The following ATRN variants were observed in gnomAD, a reference collection of about 807,000 sequenced individuals.
The protein encoded by ATRN is attractin-2.
A neutral mutation model predicts 178.7 loss-of-function variants in ATRN; 54 were observed. The observed-to-expected ratio is 0.30, with a 90% CI of 0.24 to 0.38. The LOEUF (loss-of-function observed/expected upper bound fraction) is 0.38. Ranked by LOEUF, ATRN falls within the 10% of genes least tolerant of loss-of-function variation. ATRN has a pLI of 1.00. For synonymous variants in ATRN, 636 were observed against 663.0 expected (o/e 0.96, Z 0.63); for missense variants, 1,443 against 1,815.1 (o/e 0.79, Z 3.73).
chr20:3,607,263 C>G (rs2086688167), intron 24 of ATRN, among the ~76,000 whole-genome samples: 1 of 152,154 alleles, frequency 6.6e-6, no homozygotes, highest in South Asian at 2.1e-4. Context: ...TTCACATCTT[C>G]TAGCTATTTT....
intron 1 of ATRN, among the ~76,000 whole-genome samples, chr20:3,503,936 G>A (rs1456807295): frequency 6.6e-6 from 1 of 152,064 alleles, no homozygotes; most frequent in Non-Finnish European, 1.5e-5. Flanking sequence ...ACCTAAAGGC[G>A]AAGAGAAAGT....
At chr20:3,506,997 G>A (rs1377834131) in intron 1 of ATRN, among the ~76,000 whole-genome samples, 1 of 150,344 alleles carries the variant, frequency 6.7e-6, no homozygotes, top group African/African-American at 2.5e-5. Flanking sequence ...AGAGACAAAG[G>A]AATGAAAAAT....
chr20:3,577,222 G>A (rs2086225198), intron 14 of ATRN, among the ~76,000 whole-genome samples: 1 of 152,132 alleles, frequency 6.6e-6, no homozygotes, highest in African/African-American at 2.4e-5. Context: ...TTGCTGCTCT[G>A]TAGAATTGAG....
At chr20:3,642,221 C>G (rs1434296135) in intron 27 of ATRN, among the ~76,000 whole-genome samples, 1 of 152,210 alleles carries the variant, frequency 6.6e-6, no homozygotes, top group Non-Finnish European at 1.5e-5. Flanking sequence ...TTCACTATCA[C>G]AGGTTTAAGT....
chr20:3,594,094 T>C (rs1033128762), intron 19 of ATRN, among the ~76,000 whole-genome samples: 1 of 152,026 alleles, frequency 6.6e-6, no homozygotes, highest in African/African-American at 2.4e-5. Context: ...CCAGAGCACC[T>C]CCCTAGGGGC....
intron 9 of ATRN, 91 bp downstream of exon 9, chr20:3,562,550 G>A (rs2085970431): frequency 3.8e-6 from 5 of 1,320,170 alleles, no homozygotes; most frequent in Non-Finnish European, 5.3e-6. Flanking sequence ...TTGTTTTCAT[G>A]CCTGGCAGAT....
At chr20:3,548,722 G>A (rs2085744418) in intron 5 of ATRN, among the ~76,000 whole-genome samples, 1 of 152,110 alleles carries the variant, frequency 6.6e-6, no homozygotes, top group Admixed American at 6.5e-5. Flanking sequence ...AGAGTATATG[G>A]CAGGATGTGT....
rs570471047 is a variant in ATRN at position 3,625,152 on chromosome 20, G to A, written c.3863+580G>A. Among the ~76,000 whole-genome samples the A allele has an allele frequency of 2.6e-5, 4 of 152,014 alleles. No individual in the cohort carries two copies. The South Asian group carries it at 6.2e-4, about 24-fold the overall frequency. ...CTGCCTTGCGCCTTCCCCACCCCAC[G>A]TCCCCCAATTTAAATTGTTTTGTTT... On this transcript the variant is annotated intron_variant, in intron 25 of 28. Transcript: ENST00000262919.
intron 1 of ATRN, among the ~76,000 whole-genome samples, chr20:3,491,552 C>G (rs2084794252): frequency 1.3e-5 from 2 of 152,212 alleles, no homozygotes; most frequent in African/African-American, 4.8e-5. Flanking sequence ...TGCATCTGCA[C>G]TCAATCGTCT....
At chr20:3,519,006 T>TATAAAAAAAAAAAAAAAAA (rs770584938) in intron 1 of ATRN, among the ~76,000 whole-genome samples, 59 of 119,388 alleles carry the variant, frequency 4.9e-4, no homozygotes, top group Non-Finnish European at 7.2e-4. Context: ...TCCTTATATA[T>TATAAAAAAAAAAAAAAAAA]AAAAAAAAAA....
intron 18 of ATRN, among the ~76,000 whole-genome samples, chr20:3,589,799 C>T (rs563941726): frequency 5.3e-5 from 8 of 152,276 alleles, no homozygotes; most frequent in African/African-American, 1.9e-4. Flanking sequence ...GCGCATCTCC[C>T]TCATTGGAAG....
At chr20:3,597,139 G>A (rs1666183754) in intron 21 of ATRN, among the ~76,000 whole-genome samples, 2 of 148,996 alleles carry the variant, frequency 1.3e-5, no homozygotes, top group South Asian at 4.2e-4. Flanking sequence ...TGTTAGATAG[G>A]ATTCTAAAAG....
intron 1 of ATRN, among the ~76,000 whole-genome samples, chr20:3,532,108 G>A (rs2085461101): frequency 6.6e-6 from 1 of 152,132 alleles, no homozygotes; most frequent in African/African-American, 2.4e-5. Flanking sequence ...TCCAGCCTGG[G>A]TGTCAGTGTG....
intron 24 of ATRN, among the ~76,000 whole-genome samples, chr20:3,619,945 G>T (rs949702160): frequency 9.9e-5 from 15 of 152,112 alleles, no homozygotes; most frequent in Non-Finnish European, 1.9e-4. Context: ...CCTGCCACAA[G>T]GACACCCTAC....
intron 24 of ATRN, among the ~76,000 whole-genome samples, chr20:3,605,091 C>G (rs1250641798): frequency 6.6e-6 from 1 of 152,182 alleles, no homozygotes; most frequent in African/African-American, 2.4e-5. Flanking sequence ...GAGGCTGTTG[C>G]TGTTTGCCAA....
intron 1 of ATRN, among the ~76,000 whole-genome samples, chr20:3,507,272 T>C (rs1434649526): frequency 6.6e-6 from 1 of 151,550 alleles, no homozygotes; most frequent in Non-Finnish European, 1.5e-5. Context: ...TAGCCGGGCA[T>C]GGTGGTGGGT....
chr20:3,636,610 A>G (rs2087027015), intron 26 of ATRN, among the ~76,000 whole-genome samples: 1 of 152,250 alleles, frequency 6.6e-6, no homozygotes, highest in South Asian at 2.1e-4. Flanking sequence ...TAAAAATTCC[A>G]GGCACTGAGT....
chr20:3,621,922 A>G (rs546805223), intron 24 of ATRN, among the ~76,000 whole-genome samples: 4 of 152,328 alleles, frequency 2.6e-5, no homozygotes, highest in South Asian at 2.1e-4. Context: ...TCTTATTAAC[A>G]TATTCATTTA....
At chr20:3,555,337 C>T (rs768192221) in intron 6 of ATRN, among the ~76,000 whole-genome samples, 7 of 152,030 alleles carry the variant, frequency 4.6e-5, no homozygotes, top group Non-Finnish European at 7.4e-5. Flanking sequence ...AGAAACCACA[C>T]TCGGGGAGAT....
Sources: gnomAD v4.1 joint callset for allele counts (sites outside exome capture counted in the v4.1 genomes callset) on GRCh38, gnomAD v4.1.1 for gene constraint, MANE v1.5 for transcripts, NCBI Gene and HGNC (gene_info 2026-07-23, HGNC 2026-07-21) for gene names.